The following CTNNA2 variants were observed in gnomAD, a reference collection of about 807,000 sequenced individuals.
CTNNA2 encodes catenin alpha 2.
A neutral mutation model predicts 101.0 loss-of-function variants in CTNNA2; 42 were observed. The observed-to-expected ratio is 0.42, with a 90% CI of 0.32 to 0.54. CTNNA2 has a LOEUF of 0.54. Among genes scored for constraint, CTNNA2 ranks in the 20% least tolerant of loss-of-function variants. CTNNA2 has a pLI of 0.14. For missense variants in CTNNA2, 871 were observed against 1,223.1 expected (o/e 0.71, Z 4.29); for synonymous variants, 450 against 456.4 (o/e 0.99, Z 0.18).
chr2:79,874,176 G>T lies in CTNNA2; in HGVS notation c.686G>T (p.Arg229Leu), dbSNP rs945046536. ...MLYTASQAFL[R>L]HPDVAATRAN... ...TACACGGCCTCTCAAGCATTTCTCC[G>T]CCACCCAGATGTCGCCGCTACGAGA... Residue 229 changes from arginine (R) to leucine (L), a missense_variant, in exon 6 of 19, where the codon CGC becomes CTC. Around this residue, in one of 5 missense-constraint regions of CTNNA2, gnomAD observed 647 missense variants for 831.5 expected, o/e 0.78. Coordinates refer to ENST00000402739, the MANE Select transcript of CTNNA2 (RefSeq NM_001282597.3). 6.2e-7 allele frequency: 1 copy of T among 1,614,148 alleles called. No homozygotes were observed. Among genetic ancestry groups the T allele is most frequent in the Non-Finnish European group, 8.5e-7 (1 of 1,180,044 alleles).
intron 3 of CTNNA2, among the ~76,000 whole-genome samples, chr2:79,328,408 C>T (rs567472963): frequency 6.6e-6 from 1 of 152,290 alleles, no homozygotes; most frequent in South Asian, 2.1e-4. Flanking sequence ...ATATTCATAA[C>T]AGATTGTCAA....
chr2:80,277,525 G>A lies in CTNNA2; in HGVS notation c.1057-115686G>A, dbSNP rs970125940. ...AGTTCAGGGAAAAAGAGCTCAGTGG[G>A]GAAGGAGAGACTCAGGGAAGGATTT... On this transcript the variant is annotated intron_variant, in intron 7 of 18. Transcript: ENST00000402739. 4.2e-5 allele frequency among the ~76,000 whole-genome samples: 6 copies of A among 143,632 alleles called. No individual in the cohort carries two copies. In the Admixed American group the frequency reaches 4.2e-4, roughly 10 times the overall value. The allele number at this position is 143,632 out of a possible 152,430, so 94.2% of individuals were successfully genotyped here. A position where few individuals can be genotyped will look rare whatever the true frequency, so the allele number is the denominator to read the frequency against.
intron 7 of CTNNA2, among the ~76,000 whole-genome samples, chr2:80,181,334 G>A (rs1200138550): frequency 6.6e-6 from 1 of 152,170 alleles, no homozygotes. Flanking sequence ...GGGGTGGGAA[G>A]GCTGTTTCCT....
At chr2:79,991,386 C>T (rs1692167783) in intron 7 of CTNNA2, among the ~76,000 whole-genome samples, 1 of 151,994 alleles carries the variant, frequency 6.6e-6, no homozygotes, top group African/African-American at 2.4e-5. Context: ...TTTTCATTTA[C>T]TACTTCACAT....
At chr2:79,440,331 G>A (rs1038340311) in intron 4 of CTNNA2, among the ~76,000 whole-genome samples, 1 of 152,184 alleles carries the variant, frequency 6.6e-6, no homozygotes, top group Non-Finnish European at 1.5e-5. Context: ...GGAGAAGTAA[G>A]AGTCTGGGAT....
chr2:79,808,672 A>G (rs1033808330), intron 3 of CTNNA2, among the ~76,000 whole-genome samples: 2 of 152,070 alleles, frequency 1.3e-5, no homozygotes, highest in Admixed American at 1.3e-4. Flanking sequence ...TTTTTTTCCT[A>G]CGAGTTTTAT....
chr2:79,819,953 A>G (rs1370044440), intron 3 of CTNNA2, among the ~76,000 whole-genome samples: 4 of 152,114 alleles, frequency 2.6e-5, no homozygotes, highest in African/African-American at 7.2e-5. Context: ...TAAAATGACA[A>G]TGAAAACAAA....
intron 2 of CTNNA2, among the ~76,000 whole-genome samples, chr2:79,699,584 TGCAAAG>T (rs1018430235): frequency 6.6e-6 from 1 of 151,854 alleles, no homozygotes; most frequent in African/African-American, 2.4e-5. Context: ...GATCCAACTT[TGCAAAG>T]TTCTTTTTTT....
At chr2:80,647,518 A>ACAT in intron 18 of CTNNA2, 67 bp from the exon 19 acceptor site, 2 of 1,270,242 alleles carry the variant, frequency 1.6e-6, no homozygotes, top group Non-Finnish European at 2.2e-6. Flanking sequence ...CCGTGAAAGT[A>ACAT]CATCACCATT....
intron 15 of CTNNA2, among the ~76,000 whole-genome samples, chr2:80,589,858 CTCTGTG>C (rs1398198477): frequency 1.5e-4 from 18 of 123,312 alleles, no homozygotes; most frequent in Non-Finnish European, 8.2e-5. Flanking sequence ...AAATATGTAC[CTCTGTG>C]TGTGTGTGTG....
chr2:79,530,373 C>T (rs866319996), intron 1 of CTNNA2, among the ~76,000 whole-genome samples: 2 of 152,238 alleles, frequency 1.3e-5, no homozygotes, highest in Middle Eastern at 3.4e-3. Flanking sequence ...ATACAACTAG[C>T]AGAAATAGTT....
At chr2:80,293,544 T>C (rs540769659) in intron 7 of CTNNA2, among the ~76,000 whole-genome samples, 47 of 152,304 alleles carry the variant, frequency 3.1e-4, no homozygotes, top group African/African-American at 1.1e-3. Flanking sequence ...CATTCACTTG[T>C]GTTGTTTCAT....
intron 3 of CTNNA2, among the ~76,000 whole-genome samples, chr2:79,342,901 G>T (rs1456313802): frequency 6.6e-6 from 1 of 152,178 alleles, no homozygotes; most frequent in East Asian, 1.9e-4. Context: ...TCTTTAAGGG[G>T]CTAGTCCCTT....
At position 80,481,999 on chromosome 2, in the gene CTNNA2, C is replaced by T. The variant is rs1012279530; in HGVS notation, c.1290+62398C>T. Among the ~76,000 whole-genome samples the T allele has an allele frequency of 3.3e-4, 50 of 152,174 alleles. 1 individual carries two copies. The highest frequency in any genetic ancestry group is 4.6e-4 in the Admixed American group (7 of 15,268). The stretch of plus-strand genomic sequence containing the variant: ...GGGAGATTACTTCCAGTAAATAGAT[C>T]TCATTTGCTATGAATCATGGACATT... On this transcript the variant is annotated intron_variant, in intron 9 of 18. Coordinates refer to ENST00000402739, the MANE Select transcript of CTNNA2 (RefSeq NM_001282597.3).
intron 9 of CTNNA2, among the ~76,000 whole-genome samples, chr2:80,481,210 A>G (rs941143577): frequency 1.3e-5 from 2 of 152,116 alleles, no homozygotes; most frequent in Admixed American, 1.3e-4. Flanking sequence ...TGTGAAAGTA[A>G]TCTCTATTAT....
intron 9 of CTNNA2, among the ~76,000 whole-genome samples, chr2:80,450,306 C>CA (rs1022378064): frequency 1.4e-5 from 2 of 146,578 alleles, no homozygotes; most frequent in Non-Finnish European, 3.0e-5. Flanking sequence ...ACCATAATAG[C>CA]TTTTTTTTTT....
At chr2:79,433,624 GAAAAAAAAA>G (rs200656588) in intron 4 of CTNNA2, among the ~76,000 whole-genome samples, 2 of 95,696 alleles carry the variant, frequency 2.1e-5, no homozygotes, top group African/African-American at 8.4e-5. Context: ...TGCCTTTGAG[GAAAAAAAAA>G]AAAAAAAAAA....
intron 1 of CTNNA2, among the ~76,000 whole-genome samples, chr2:79,647,472 A>G (rs6745820): frequency 0.97 from 147,075 of 152,258 alleles, 71,069 homozygotes; most frequent in East Asian, 1. Context: ...CAGGCAATTG[A>G]ACAGTATCAC....
chr2:80,282,274 T>G (rs1044832458), intron 7 of CTNNA2, among the ~76,000 whole-genome samples: 15 of 101,552 alleles, frequency 1.5e-4, no homozygotes, highest in African/African-American at 5.5e-4. Context: ...TTATTTGCTG[T>G]TTTTTTTTTA....
Sources: allele counts gnomAD v4.1 joint callset (sites outside exome capture counted in the v4.1 genomes callset), GRCh38; gene constraint gnomAD v4.1.1; regional missense constraint gnomAD v4.1.1; transcripts MANE v1.5; gene names NCBI Gene and HGNC (gene_info 2026-07-23, HGNC 2026-07-21).